TBC1D14: variants seen among roughly 807,000 people sequenced by gnomAD.
The protein encoded by TBC1D14 is TBC1 domain family, member 14.
Under a neutral mutation model 79.0 loss-of-function variants are expected in TBC1D14, and 26 were observed. The ratio of observed to expected loss-of-function variants is 0.33; its 90% CI spans 0.24 to 0.46. The LOEUF (loss-of-function observed/expected upper bound fraction) is 0.46, where lower values mean the gene tolerates loss of function less well. Ranked by LOEUF, TBC1D14 falls within the 20% of genes least tolerant of loss-of-function variation. The pLI is 1.00. For missense variants in TBC1D14, 769 were observed against 887.6 expected (o/e 0.87, Z 1.70); for synonymous variants, 394 against 349.9 (o/e 1.13, Z -1.40).
chr4:6,943,183 G>T (rs1713079288), intron 2 of TBC1D14, among the ~76,000 whole-genome samples: 1 of 151,756 alleles, frequency 6.6e-6, no homozygotes, highest in African/African-American at 2.4e-5. Flanking sequence ...CGTGCCTGAA[G>T]CGGCACACAC....
chr4:6,976,350 T>G (rs575510333), intron 3 of TBC1D14, among the ~76,000 whole-genome samples: 101 of 152,244 alleles, frequency 6.6e-4, no homozygotes, highest in African/African-American at 2.4e-3. Flanking sequence ...AAATAAACTC[T>G]AAAAAGTAAG....
intron 3 of TBC1D14, among the ~76,000 whole-genome samples, chr4:6,975,683 A>C (rs960943317): frequency 2.0e-5 from 3 of 152,256 alleles, no homozygotes; most frequent in Non-Finnish European, 2.9e-5. Context: ...AAAAAGAATT[A>C]AGTGGAAATT....
At chr4:6,988,885 C>CTTTTTTTTTTTTTTTTTTTTT (rs34268749) in intron 3 of TBC1D14, among the ~76,000 whole-genome samples, 1 of 76,808 alleles carries the variant, frequency 1.3e-5, no homozygotes, top group African/African-American at 5.5e-5. Flanking sequence ...TTCTTTCTTT[C>CTTTTTTTTTTTTTTTTTTTTT]TTTTTTTTTT....
intron 1 of TBC1D14, among the ~76,000 whole-genome samples, chr4:6,919,235 C>CT (rs1723642739): frequency 6.6e-6 from 1 of 151,998 alleles, no homozygotes; most frequent in African/African-American, 2.4e-5. Flanking sequence ...CAACCTCCAC[C>CT]TCCCGGGTTC....
At chr4:6,963,780 T>C (rs1387910315) in intron 2 of TBC1D14, among the ~76,000 whole-genome samples, 1 of 152,220 alleles carries the variant, frequency 6.6e-6, no homozygotes, top group Non-Finnish European at 1.5e-5. Flanking sequence ...TAAGCTCTTA[T>C]GTTAAAAATA....
rs959056585 is a variant in TBC1D14, at chr4:6,986,797, G to C, written c.844-7387G>C. Among the ~76,000 whole-genome samples, 38 of 152,312 alleles carry C rather than the reference G, an allele frequency of 2.5e-4. 1 individual carries two copies. Among genetic ancestry groups the C allele is most frequent in the Middle Eastern group, 3.4e-3 (1 of 294 alleles). On this transcript the variant is annotated intron_variant, in intron 3 of 13. Coordinates refer to ENST00000409757, the MANE Select transcript of TBC1D14 (RefSeq NM_020773.3). The stretch of plus-strand genomic sequence containing the variant: ...CTTCCGTCTCCCTCCCGGCAGCCCC[G>C]GGGCGCCTGTTCGGCTTCTCTGAGT...
At chr4:6,994,659 C>A (rs990896533) in intron 4 of TBC1D14, among the ~76,000 whole-genome samples, 1 of 152,000 alleles carries the variant, frequency 6.6e-6, no homozygotes, top group Non-Finnish European at 1.5e-5. Context: ...ACCAGCCTGG[C>A]CAACATGGTG....
At chr4:6,910,667 G>C (rs1449888796) in intron 1 of TBC1D14, 1 of 152,252 alleles carries the variant, frequency 6.6e-6, no homozygotes, top group Non-Finnish European at 1.5e-5. Flanking sequence ...TTGCGGTCCT[G>C]ATGGGAACAG....
chr4:6,919,630 ATTT>A (rs1487327572), intron 1 of TBC1D14, among the ~76,000 whole-genome samples: 2 of 151,462 alleles, frequency 1.3e-5, no homozygotes, highest in African/African-American at 4.9e-5. Flanking sequence ...ATATTTATTT[ATTT>A]ATTTTGAGAT....
chr4:6,943,340 C>A (rs1300635144), intron 2 of TBC1D14, among the ~76,000 whole-genome samples: 1 of 152,224 alleles, frequency 6.6e-6, no homozygotes, highest in Non-Finnish European at 1.5e-5. Flanking sequence ...CTCCCTCTGC[C>A]CCTCTCCCTT....
At chr4:6,916,830 C>T (rs956827054) in intron 1 of TBC1D14, among the ~76,000 whole-genome samples, 6 of 152,314 alleles carry the variant, frequency 3.9e-5, no homozygotes, top group Admixed American at 1.3e-4. Flanking sequence ...TTCAGTGCCT[C>T]CCGTGGCAGG....
rs1235152996 is a variant in TBC1D14, at chr4:6,923,759, G to T, written c.370G>T (p.Val124Leu). The change falls in exon 2 of 14, where the codon GTG becomes TTG. Residue 124 changes from valine to leucine, a missense_variant. Val to Leu is a conservative substitution (Grantham distance 32, BLOSUM62 1). Around this residue, in one of 2 missense-constraint regions of TBC1D14, gnomAD observed 402 missense variants for 393.2 expected, o/e 1.02. Coordinates refer to ENST00000409757, the MANE Select transcript of TBC1D14 (RefSeq NM_020773.3). ...TAGCAGCACCGAGCGGGAACAGAGC[G>T]TGCGCAAATCCTCCACGTTTCCCAG... ...APSSTEREQS[V>L]RKSSTFPRTG... is the part of the protein sequence containing the mutation. The T allele has an allele frequency of 1.9e-6, 3 of 1,613,918 alleles. No individual in the cohort carries two copies. The highest frequency in any genetic ancestry group is 2.7e-5 in the African/African-American group (2 of 74,946).
chr4:7,010,867 AAG>A, intron 11 of TBC1D14, 86 bp downstream of exon 11: 1 of 1,467,286 alleles, frequency 6.8e-7, no homozygotes, highest in Non-Finnish European at 9.3e-7. Flanking sequence ...GGTGGAAAAA[AAG>A]AATACATTTT....
chr4:7,006,582 C>A (rs769169754), intron 8 of TBC1D14, 50 bp from the exon 9 acceptor site: 2 of 1,525,708 alleles, frequency 1.3e-6, no homozygotes, highest in Non-Finnish European at 1.8e-6. Context: ...CGTAATTGTC[C>A]TACATTCGTG....
At chr4:7,004,750 C>T in intron 7 of TBC1D14, 94 bp from the exon 8 acceptor site, 1 of 1,158,642 alleles carries the variant, frequency 8.6e-7, no homozygotes. Flanking sequence ...TATAGTTGAA[C>T]TTAAGTATTT....
chr4:7,000,955 G>A (rs190324100), intron 6 of TBC1D14, among the ~76,000 whole-genome samples, 190 bp from the exon 7 acceptor site: 2 of 152,246 alleles, frequency 1.3e-5, no homozygotes, highest in Middle Eastern at 3.4e-3. Flanking sequence ...TACCTGCCAC[G>A]GCAGCTGCCA....
chr4:6,980,088 C>T lies in TBC1D14; in HGVS notation c.843+12664C>T, dbSNP rs185175013. ...ATTTATAGAACACAGCACCCTCCAG[C>T]AAAAGCAGAATACAGTTTTTTCAAA... On this transcript the variant is annotated intron_variant, in intron 3 of 13. Transcript: ENST00000409757. Among the ~76,000 whole-genome samples the T allele has an allele frequency of 2.1e-3, 326 of 152,248 alleles. 2 individuals carry two copies. The Middle Eastern group carries it at 0.024, about 11-fold the overall frequency.
At chr4:6,970,414 T>C (rs1362820978) in intron 3 of TBC1D14, among the ~76,000 whole-genome samples, 1 of 152,252 alleles carries the variant, frequency 6.6e-6, no homozygotes, top group Non-Finnish European at 1.5e-5. Flanking sequence ...ACACACGCAC[T>C]CAGAATAGTA....
chr4:7,004,986 C>A, intron 8 of TBC1D14, 62 bp downstream of exon 8: 1 of 1,466,844 alleles, frequency 6.8e-7, no homozygotes, highest in Non-Finnish European at 9.5e-7. Flanking sequence ...TTCTTTATTA[C>A]ATAGTGAAGA....
Sources: gnomAD v4.1 joint callset for allele counts (sites outside exome capture counted in the v4.1 genomes callset) on GRCh38, gnomAD v4.1.1 for gene constraint, gnomAD v4.1.1 regional missense constraint, MANE v1.5 for transcripts, NCBI Gene and HGNC (gene_info 2026-07-23, HGNC 2026-07-21) for gene names.